FBXO4: variants seen among roughly 807,000 people sequenced by gnomAD.
FBXO4 encodes the protein F-box only protein 4.
In FBXO4, 36 loss-of-function variants were observed where a neutral mutation model predicts 43.7. That is an observed-to-expected ratio of 0.82 (90% CI 0.63 to 1.09). The LOEUF (loss-of-function observed/expected upper bound fraction) is 1.09, where lower values mean the gene tolerates loss of function less well. Ranked by LOEUF, FBXO4 falls within the 50% of genes least tolerant of loss-of-function variation. The pLI is 0.00. For missense variants in FBXO4, 435 were observed against 474.1 expected, an observed-to-expected ratio of 0.92 and a Z score of 0.77; for synonymous variants, 180 against 165.6, an observed-to-expected ratio of 1.09 and a Z score of -0.67.
the FBXO4 span, among the ~76,000 whole-genome samples, chr5:41,977,968 A>G: frequency 3.0e-4 from 45 of 152,304 alleles, no homozygotes; most frequent in African/African-American, 1.1e-3. Flanking sequence ...CTATAAGGGA[A>G]TAGTTACAAC....
intron 2 of FBXO4, 28 bp downstream of exon 2, chr5:41,927,276 A>C (rs989640427): frequency 2.2e-5 from 33 of 1,497,490 alleles, no homozygotes; most frequent in Admixed American, 1.1e-4. Flanking sequence ...TGAATTAAAA[A>C]GAAGCTATTA....
chr5:41,988,227 T>A, the FBXO4 span, among the ~76,000 whole-genome samples: 6 of 152,294 alleles, frequency 3.9e-5, no homozygotes, highest in East Asian at 7.7e-4. Context: ...CCAACCACTT[T>A]GTGTGGCACA....
the FBXO4 span, among the ~76,000 whole-genome samples, chr5:42,033,954 T>G: frequency 6.6e-6 from 1 of 152,240 alleles, no homozygotes; most frequent in Non-Finnish European, 1.5e-5. Flanking sequence ...CAGCAATGGT[T>G]GAATTAATTT....
the FBXO4 span, among the ~76,000 whole-genome samples, chr5:41,958,607 T>G: frequency 5.2e-3 from 793 of 152,274 alleles, 9 homozygotes; most frequent in African/African-American, 0.018. Flanking sequence ...TTTTATAAAT[T>G]TGGCTTTTTT....
chr5:41,980,051 G>C, the FBXO4 span, among the ~76,000 whole-genome samples: 1 of 152,076 alleles, frequency 6.6e-6, no homozygotes, highest in Admixed American at 6.5e-5. Flanking sequence ...CCTAACCTGG[G>C]GGCTTAGTGC....
the FBXO4 span, among the ~76,000 whole-genome samples, chr5:42,019,793 AT>A: frequency 1.3e-5 from 2 of 151,904 alleles, no homozygotes; most frequent in Non-Finnish European, 2.9e-5. Flanking sequence ...ATAATATGTA[AT>A]TTTTTTCTAC....
the FBXO4 span, among the ~76,000 whole-genome samples, chr5:42,038,051 AG>A: frequency 6.6e-6 from 1 of 152,084 alleles, no homozygotes; most frequent in East Asian, 1.9e-4. Context: ...TAAGGAAATG[AG>A]GTGGTATCTC....
At chr5:41,955,456 A>C in the FBXO4 span, among the ~76,000 whole-genome samples, 3 of 152,290 alleles carry the variant, frequency 2.0e-5, no homozygotes, top group Middle Eastern at 3.4e-3. Context: ...AAGACTTCAA[A>C]CATCAAGTAA....
rs536208114 is a variant in FBXO4, at chr5:41,927,053, A to G, written c.230A>G (p.His77Arg). The change falls in exon 2 of 7, where the codon CAT (histidine) becomes CGT (arginine). Residue 77 changes from histidine to arginine, a missense_variant. Coordinates refer to ENST00000281623, the MANE Select transcript of FBXO4 (RefSeq NM_012176.3). Reference protein sequence around the residue: ...QLYILSFLSPHDLCQLGSTNH... With the variant: ...QLYILSFLSPRDLCQLGSTNH... The stretch of plus-strand genomic sequence containing the variant: ...TATATTTTGTCCTTTCTTTCACCTC[A>G]TGATCTGTGTCAGTTGGGAAGTACA... The G allele has an allele frequency of 2.5e-6, 4 of 1,613,414 alleles. No homozygotes were observed. The highest frequency in any genetic ancestry group is 3.3e-5 in the Admixed American group (2 of 59,916).
the FBXO4 span, among the ~76,000 whole-genome samples, chr5:41,980,873 AT>A: frequency 3.0e-4 from 45 of 152,072 alleles, no homozygotes; most frequent in Non-Finnish European, 5.6e-4. Context: ...AGATTTAAAA[AT>A]AAAACTGAAC....
At chr5:41,984,795 G>A in the FBXO4 span, among the ~76,000 whole-genome samples, 1 of 152,128 alleles carries the variant, frequency 6.6e-6, no homozygotes, top group Non-Finnish European at 1.5e-5. Context: ...ACAGGTGTGA[G>A]CCACCCTGCC....
At chr5:41,957,638 G>T in the FBXO4 span, among the ~76,000 whole-genome samples, 1 of 151,022 alleles carries the variant, frequency 6.6e-6, no homozygotes, top group African/African-American at 2.4e-5. Flanking sequence ...AATTCCCTAT[G>T]TGTACACTTT....
At chr5:41,984,646 G>A in the FBXO4 span, among the ~76,000 whole-genome samples, 5 of 152,084 alleles carry the variant, frequency 3.3e-5, no homozygotes, top group Admixed American at 3.3e-4. Flanking sequence ...TTCCTCATTT[G>A]GCCAGGAGTG....
At chr5:41,975,671 T>G in the FBXO4 span, among the ~76,000 whole-genome samples, 1 of 152,184 alleles carries the variant, frequency 6.6e-6, no homozygotes, top group South Asian at 2.1e-4. Context: ...TTTAAAAACT[T>G]GTGGCAAAAT....
the FBXO4 span, among the ~76,000 whole-genome samples, chr5:42,017,779 T>C: frequency 7.7e-6 from 1 of 129,948 alleles, no homozygotes; most frequent in African/African-American, 2.7e-5. Context: ...ATTTCCTGCC[T>C]TTTTTTTTTT....
chr5:41,925,969 T>G (rs1751482298), intron 1 of FBXO4, among the ~76,000 whole-genome samples: 1 of 152,218 alleles, frequency 6.6e-6, no homozygotes, highest in Non-Finnish European at 1.5e-5. Context: ...TGCCTGTGGC[T>G]GTTATTGTGT....
At chr5:42,037,988 A>G in the FBXO4 span, among the ~76,000 whole-genome samples, 1 of 152,142 alleles carries the variant, frequency 6.6e-6, no homozygotes. Flanking sequence ...CAGGCAAACA[A>G]AGCAGTTGGT....
the FBXO4 span, among the ~76,000 whole-genome samples, chr5:41,994,255 G>A: frequency 6.6e-6 from 1 of 152,176 alleles, no homozygotes; most frequent in South Asian, 2.1e-4. Context: ...AAAGTCTTAT[G>A]TCACATGATA....
chr5:41,949,781 A>AG, the FBXO4 span, among the ~76,000 whole-genome samples: 4 of 152,214 alleles, frequency 2.6e-5, no homozygotes, highest in Admixed American at 6.5e-5. Context: ...AAAAGAACAA[A>AG]GCTGGAAGCA....
Sources: allele counts gnomAD v4.1 joint callset (sites outside exome capture counted in the v4.1 genomes callset), GRCh38; gene constraint gnomAD v4.1.1; transcripts MANE v1.5; gene names NCBI Gene and HGNC (gene_info 2026-07-23, HGNC 2026-07-21).